The following TMEM132E variants were observed in gnomAD, a reference collection of about 807,000 sequenced individuals.
The protein encoded by TMEM132E is transmembrane protein 132E.
Under a neutral mutation model 78.5 loss-of-function variants are expected in TMEM132E, and 49 were observed. That is an observed-to-expected ratio of 0.62 (90% CI 0.50 to 0.79). The LOEUF (loss-of-function observed/expected upper bound fraction) is 0.79. Among genes scored for constraint, TMEM132E ranks in the 30% least tolerant of loss-of-function variants. The pLI, the probability that TMEM132E is intolerant of heterozygous loss-of-function variation, is 0.00. For missense variants in TMEM132E, 1,403 were observed against 1,470.9 expected, an observed-to-expected ratio of 0.95 and a Z score of 0.75; for synonymous variants, 715 against 670.6, an observed-to-expected ratio of 1.07 and a Z score of -1.02.
At chr17:34,585,178 G>C (rs1044224494) in intron 1 of TMEM132E, among the ~76,000 whole-genome samples, 3 of 152,230 alleles carry the variant, frequency 2.0e-5, no homozygotes, top group African/African-American at 7.2e-5. Context: ...GTGGGGATGT[G>C]TTATAAACTT....
chr17:34,599,710 A>G (rs865782597), intron 1 of TMEM132E, among the ~76,000 whole-genome samples: 1 of 152,078 alleles, frequency 6.6e-6, no homozygotes, highest in Non-Finnish European at 1.5e-5. Context: ...TCCTAGCCCT[A>G]GAGATTCTGA....
intron 1 of TMEM132E, chr17:34,614,645 G>C (rs1427905425): frequency 1.3e-5 from 2 of 152,252 alleles, no homozygotes; most frequent in Non-Finnish European, 2.9e-5. Context: ...TGTGCACTTG[G>C]AAGGGCCAGA....
chr17:34,631,826 G>A (rs1907357377), intron 5 of TMEM132E, among the ~76,000 whole-genome samples: 1 of 152,210 alleles, frequency 6.6e-6, no homozygotes, highest in Admixed American at 6.5e-5. Flanking sequence ...ACGTGCACCA[G>A]CATGAGCACC....
chr17:34,593,409 G>C (rs1007072254), intron 1 of TMEM132E, among the ~76,000 whole-genome samples: 27 of 152,206 alleles, frequency 1.8e-4, no homozygotes, highest in African/African-American at 5.8e-4. Flanking sequence ...CCACATTTCA[G>C]TTGCTCCACA....
In TMEM132E at chr17:34,580,826, C is replaced by T. The variant is rs985779147; in HGVS notation, c.-251C>T. On this transcript the variant is annotated 5_prime_UTR_variant, in exon 1 of 9. Coordinates refer to ENST00000631683, the MANE Select transcript of TMEM132E (RefSeq NM_001304438.2). ...CGCGCCTCGCAGATCCTGCAGGGGG[C>T]ACCAGCTGGGGGAGGTGGAGGCTCC... The T allele has an allele frequency of 4.5e-6, 2 of 444,002 alleles. No individual in the cohort carries two copies. Among genetic ancestry groups the T allele is most frequent in the Admixed American group, 4.5e-5 (1 of 22,296 alleles). The allele number at this position is 444,002 out of a possible 1,614,324, so 27.5% of individuals were successfully genotyped here. A position where few individuals can be genotyped will look rare whatever the true frequency, so the allele number is the denominator to read the frequency against.
chr17:34,592,343 C>G (rs1905901653), intron 1 of TMEM132E, among the ~76,000 whole-genome samples: 1 of 152,162 alleles, frequency 6.6e-6, no homozygotes, highest in Non-Finnish European at 1.5e-5. Flanking sequence ...CAAAGTTGCA[C>G]CCAGCTGGCA....
chr17:34,583,654 C>T (rs1473789449), intron 1 of TMEM132E, among the ~76,000 whole-genome samples: 1 of 152,210 alleles, frequency 6.6e-6, no homozygotes, highest in Non-Finnish European at 1.5e-5. Flanking sequence ...CAATTGAGGT[C>T]ACAGGGTTCT....
At chr17:34,615,074 A>G (rs1473335608) in intron 1 of TMEM132E, among the ~76,000 whole-genome samples, 1 of 150,036 alleles carries the variant, frequency 6.7e-6, no homozygotes, top group African/African-American at 2.4e-5. Context: ...GGGAAACAAG[A>G]GCCCTGGTTT....
intron 1 of TMEM132E, among the ~76,000 whole-genome samples, chr17:34,612,556 G>A (rs544783944): frequency 6.6e-6 from 1 of 152,278 alleles, no homozygotes; most frequent in African/African-American, 2.4e-5. Context: ...CCCTTTTCTA[G>A]GCCTCAGTTA....
At chr17:34,600,776 G>T (rs146811321) in intron 1 of TMEM132E, among the ~76,000 whole-genome samples, 2 of 152,274 alleles carry the variant, frequency 1.3e-5, no homozygotes, top group African/African-American at 4.8e-5. Context: ...CTTGCACGTG[G>T]CCTTTCCGAG....
intron 1 of TMEM132E, among the ~76,000 whole-genome samples, chr17:34,593,865 C>A (rs1419675453): frequency 1.3e-5 from 2 of 152,260 alleles, no homozygotes; most frequent in Non-Finnish European, 2.9e-5. Context: ...CTTTTCCCGA[C>A]ACTACTTCTT....
chr17:34,581,238 G>T, intron 1 of TMEM132E, 95 bp downstream of exon 1: 1 of 1,143,134 alleles, frequency 8.7e-7, no homozygotes, highest in South Asian at 1.9e-5. Context: ...CACACCCCCT[G>T]GACTCGCAGC....
chr17:34,599,095 G>A (rs1295612349), intron 1 of TMEM132E, among the ~76,000 whole-genome samples: 1 of 152,180 alleles, frequency 6.6e-6, no homozygotes. Context: ...GAGAGGGAGG[G>A]CCCCAACTGG....
chr17:34,590,909 G>C, intron 1 of TMEM132E, among the ~76,000 whole-genome samples: 1 of 152,150 alleles, frequency 6.6e-6, no homozygotes, highest in East Asian at 1.9e-4. Flanking sequence ...TCTGATCTGG[G>C]AGTGGGGGCC....
In TMEM132E at chr17:34,637,349, A is replaced by T; in HGVS notation, c.2342A>T (p.Glu781Val). 6.2e-7 allele frequency: 1 copy of T among 1,613,948 alleles called. No individual in the cohort carries two copies. Among genetic ancestry groups the T allele is most frequent in the Non-Finnish European group, 8.5e-7 (1 of 1,180,024 alleles). The change falls in exon 9 of 9, where the codon GAG becomes GTG. Residue 781 changes from glutamate (E) to valine (V), a missense_variant. By Grantham distance (121) the Glu-to-Val change is moderately radical (BLOSUM62 -2). Coordinates refer to ENST00000631683, the MANE Select transcript of TMEM132E (RefSeq NM_001304438.2). The part of the protein sequence containing the change: ...LVVAEAEGSG[E>V]LLRAELTIAE... ...GTGGCTGAGGCCGAGGGGTCAGGGGAGCTGCTTCGCGCAGAGCTAACCATC... is the reference window on the plus strand; with the variant it reads ...GTGGCTGAGGCCGAGGGGTCAGGGGTGCTGCTTCGCGCAGAGCTAACCATC...
chr17:34,619,532 C>T (rs1906891456), intron 1 of TMEM132E, among the ~76,000 whole-genome samples: 1 of 151,286 alleles, frequency 6.6e-6, no homozygotes, highest in African/African-American at 2.4e-5. Flanking sequence ...AGGTGTTTCA[C>T]ATCTACATGG....
chr17:34,600,463 G>GT (rs57467479), intron 1 of TMEM132E, among the ~76,000 whole-genome samples: 2 of 151,392 alleles, frequency 1.3e-5, no homozygotes, highest in African/African-American at 2.4e-5. Flanking sequence ...GTGTGTGTGT[G>GT]GCAGGGTGGG....
chr17:34,589,342 C>T (rs1905782147), intron 1 of TMEM132E, among the ~76,000 whole-genome samples: 1 of 152,084 alleles, frequency 6.6e-6, no homozygotes, highest in Non-Finnish European at 1.5e-5. Flanking sequence ...CAGGGGCGCC[C>T]TTGTAGTCAC....
intron 1 of TMEM132E, among the ~76,000 whole-genome samples, chr17:34,601,453 G>A (rs1029747443): frequency 5.3e-5 from 8 of 152,176 alleles, no homozygotes; most frequent in Non-Finnish European, 8.8e-5. Context: ...AGGGAACTCC[G>A]GCCTCTGGCT....
Sources: gnomAD v4.1 joint callset for allele counts (sites outside exome capture counted in the v4.1 genomes callset) on GRCh38, gnomAD v4.1.1 for gene constraint, MANE v1.5 for transcripts, NCBI Gene and HGNC (gene_info 2026-07-23, HGNC 2026-07-21) for gene names.